TBL1X: variants seen among roughly 807,000 people sequenced by gnomAD.
TBL1X encodes transducin beta like 1 X-linked, also known as F-box-like/WD repeat-containing protein TBL1X.
A neutral mutation model predicts 50.7 loss-of-function variants in TBL1X; 10 were observed. That is an observed-to-expected ratio of 0.20 (90% CI 0.12 to 0.33). The LOEUF (loss-of-function observed/expected upper bound fraction) is 0.33. Among genes scored for constraint, TBL1X ranks in the 10% least tolerant of loss-of-function variants. The probability of loss-of-function intolerance (pLI) is 1.00; values close to 1 mark genes in which losing one functional copy is unlikely to be tolerated. For missense variants in TBL1X, 340 were observed against 504.4 expected (o/e 0.67, Z 3.12); for synonymous variants, 190 against 214.7 (o/e 0.88, Z 1.01).
At chrX:9,525,675 A>G (rs988744198) in intron 2 of TBL1X, among the ~76,000 whole-genome samples, 2 of 112,539 alleles carry the variant, frequency 1.8e-5, no homozygotes, top group Non-Finnish European at 3.8e-5. Context: ...GATTATGAGC[A>G]GGAGGAAATA....
At chrX:9,486,352 G>A (rs1192034896) in intron 1 of TBL1X, among the ~76,000 whole-genome samples, 1 of 108,701 alleles carries the variant, frequency 9.2e-6, no homozygotes, top group Non-Finnish European at 1.9e-5. Context: ...TCCCACCTCC[G>A]CCTCTCTAGC....
chrX:9,506,881 G>C (rs1441020296), intron 2 of TBL1X, among the ~76,000 whole-genome samples: 2 of 111,865 alleles, frequency 1.8e-5, no homozygotes, highest in African/African-American at 6.5e-5. Flanking sequence ...CACTCCTTCA[G>C]AAATTATTCC....
chrX:9,576,878 T>C (rs747803759), intron 2 of TBL1X, among the ~76,000 whole-genome samples: 3 of 109,433 alleles, frequency 2.7e-5, no homozygotes, highest in African/African-American at 6.7e-5. Context: ...AGTGCACCTG[T>C]AGTCTTAGCT....
Position 9,693,382 on chromosome X carries a change from G to A in TBL1X, c.1016G>A (p.Arg339Gln), listed in dbSNP as rs1250166555. Residue 339 changes from arginine to glutamine, a missense_variant, in exon 11 of 18, where the codon CGA becomes CAA. Arg to Gln is a conservative substitution (Grantham distance 43, BLOSUM62 1). Around this residue, in one of 6 missense-constraint regions of TBL1X, gnomAD observed 170 missense variants for 272.6 expected, o/e 0.62. Transcript: ENST00000645353. ...KGPIFALKWN[R>Q]KGNYILSAGV... ...CCCATCTTTGCCTTGAAATGGAACC[G>A]AAAGGGGAATTACATTTTGAGTGCT... 4.1e-6 allele frequency: 5 copies of A among 1,209,858 alleles called. No individual in the cohort carries two copies. The highest frequency in any genetic ancestry group is 3.0e-5 in the East Asian group (1 of 33,776).
chrX:9,487,252 C>T (rs1465243308), intron 1 of TBL1X, among the ~76,000 whole-genome samples: 3 of 111,604 alleles, frequency 2.7e-5, no homozygotes, highest in African/African-American at 9.8e-5. Flanking sequence ...AATTTTTGAA[C>T]ATTTTCATCA....
intron 2 of TBL1X, among the ~76,000 whole-genome samples, chrX:9,530,307 G>A (rs2082153855): frequency 8.9e-6 from 1 of 112,114 alleles, no homozygotes; most frequent in Non-Finnish European, 1.9e-5. Context: ...AGAAAATTTT[G>A]TTTAATTATA....
At chrX:9,584,223 A>G (rs1332350793) in intron 2 of TBL1X, among the ~76,000 whole-genome samples, 1 of 112,333 alleles carries the variant, frequency 8.9e-6, no homozygotes. Context: ...TAGCTCATGG[A>G]CATAGTGTAA....
At chrX:9,577,342 T>G (rs2147016878) in intron 2 of TBL1X, among the ~76,000 whole-genome samples, 1 of 112,147 alleles carries the variant, frequency 8.9e-6, no homozygotes, top group African/African-American at 3.2e-5. Flanking sequence ...ACAGTCTGGC[T>G]TGATGGATAA....
chrX:9,499,557 AAT>A (rs2081989558), intron 1 of TBL1X, among the ~76,000 whole-genome samples: 1 of 112,461 alleles, frequency 8.9e-6, no homozygotes, highest in Non-Finnish European at 1.9e-5. Context: ...ATCCACTTAA[AAT>A]GTTCACATCC....
intron 17 of TBL1X, among the ~76,000 whole-genome samples, chrX:9,715,347 A>G (rs771069872): frequency 3.6e-5 from 4 of 111,905 alleles, no homozygotes; most frequent in Non-Finnish European, 7.5e-5. Flanking sequence ...GAAATGTGTC[A>G]TTAGGCACTT....
At chrX:9,558,978 G>A (rs1601756846) in intron 2 of TBL1X, among the ~76,000 whole-genome samples, 1 of 112,280 alleles carries the variant, frequency 8.9e-6, no homozygotes. Flanking sequence ...TGAGGATAGC[G>A]TTGTATGTAG....
chrX:9,565,307 A>G (rs751930675), intron 2 of TBL1X, among the ~76,000 whole-genome samples: 3 of 105,323 alleles, frequency 2.8e-5, no homozygotes, highest in Non-Finnish European at 5.8e-5. Flanking sequence ...TAATCATACT[A>G]TATTGCCCAC....
intron 2 of TBL1X, chrX:9,636,334 C>CATCACTTGAAGCCAGGAGT (rs1253934765): frequency 9.0e-6 from 1 of 111,187 alleles, no homozygotes; most frequent in African/African-American, 3.3e-5. Flanking sequence ...GAGGCAGGAG[C>CATCACTTGAAGCCAGGAGT]ATCACTTGAA....
intron 1 of TBL1X, among the ~76,000 whole-genome samples, chrX:9,498,470 A>G (rs2081983920): frequency 8.9e-6 from 1 of 112,454 alleles, no homozygotes; most frequent in South Asian, 3.6e-4. Flanking sequence ...TTTCCCTGAC[A>G]GCTCCTTGAT....
intron 1 of TBL1X, among the ~76,000 whole-genome samples, chrX:9,489,733 A>T (rs1303201022): frequency 3.6e-5 from 4 of 111,694 alleles, no homozygotes; most frequent in African/African-American, 1.3e-4. Context: ...TCCAGCCTCC[A>T]CGGGTTGGGG....
intron 5 of TBL1X, among the ~76,000 whole-genome samples, chrX:9,668,322 A>G (rs1206949827): frequency 9.2e-6 from 1 of 108,311 alleles, no homozygotes; most frequent in African/African-American, 3.4e-5. Context: ...TCTGACAGGT[A>G]CTCTTGAATG....
At position 9,688,152 on chromosome X, in the gene TBL1X, G is replaced by GCGGCTGCGGCCA; in HGVS notation, c.498_509dup (p.Ala172_Ala175dup). On this transcript the variant is annotated inframe_insertion, in exon 7 of 18. Transcript: ENST00000645353. ...GCAGCAAGCCAGTGCGGCGGCGGCG[G>GCGGCTGCGGCCA]CGGCTGCGGCCACGGCAGCAGCGAC... 2 of 1,199,085 alleles carry GCGGCTGCGGCCA rather than the reference G, an allele frequency of 1.7e-6. No homozygotes were observed. Among genetic ancestry groups the GCGGCTGCGGCCA allele is most frequent in the Non-Finnish European group, 2.2e-6 (2 of 889,457 alleles).
chrX:9,706,601 G>T (rs5979156), intron 13 of TBL1X, among the ~76,000 whole-genome samples: 40,409 of 110,241 alleles, frequency 0.37, 5,309 homozygotes, highest in South Asian at 0.58. Flanking sequence ...AACAACAATG[G>T]GAACAACAGC....
At chrX:9,631,503 G>T (rs1296288195) in intron 2 of TBL1X, among the ~76,000 whole-genome samples, 1 of 112,005 alleles carries the variant, frequency 8.9e-6, no homozygotes, top group East Asian at 2.8e-4. Flanking sequence ...ATAACTCATT[G>T]CTTTATTTTT....
Sources: allele counts gnomAD v4.1 joint callset (sites outside exome capture counted in the v4.1 genomes callset), GRCh38; gene constraint gnomAD v4.1.1; regional missense constraint gnomAD v4.1.1; transcripts MANE v1.5; gene names NCBI Gene and HGNC (gene_info 2026-07-23, HGNC 2026-07-21).